The following ZRANB3 variants were observed in gnomAD, a reference collection of about 807,000 sequenced individuals.
ZRANB3 encodes the protein zinc finger RANBP2-type containing 3.
ZRANB3 carries 125 observed loss-of-function variants against 133.8 expected under a neutral mutation model. The observed-to-expected ratio is 0.93, with a 90% CI of 0.81 to 1.08. The LOEUF (loss-of-function observed/expected upper bound fraction) is 1.08. Ranked by LOEUF, ZRANB3 falls within the 50% of genes least tolerant of loss-of-function variation. ZRANB3 has a pLI of 0.00. For missense variants in ZRANB3, 1,229 were observed against 1,275.5 expected, an observed-to-expected ratio of 0.96 and a Z score of 0.56; for synonymous variants, 387 against 432.7, an observed-to-expected ratio of 0.89 and a Z score of 1.31.
intron 3 of ZRANB3, among the ~76,000 whole-genome samples, chr2:135,373,521 C>T (rs1686275595): frequency 6.6e-6 from 1 of 152,072 alleles, no homozygotes; most frequent in Non-Finnish European, 1.5e-5. Flanking sequence ...GGTGCAGTGG[C>T]TCACACCTGT....
chr2:135,353,289 A>G, intron 4 of ZRANB3, 161 bp downstream of exon 4: 1 of 441,472 alleles, frequency 2.3e-6, no homozygotes, highest in Non-Finnish European at 3.8e-6. Flanking sequence ...TGGGTTTTAG[A>G]TAAATAATTC....
At chr2:135,383,428 A>G (rs1376727049) in intron 3 of ZRANB3, among the ~76,000 whole-genome samples, 2 of 152,234 alleles carry the variant, frequency 1.3e-5, no homozygotes, top group Non-Finnish European at 1.5e-5. Context: ...TCAACATTAG[A>G]CAGATCAACG....
At chr2:135,283,508 G>A (rs1681194741) in intron 8 of ZRANB3, among the ~76,000 whole-genome samples, 1 of 151,452 alleles carries the variant, frequency 6.6e-6, no homozygotes, top group Non-Finnish European at 1.5e-5. Flanking sequence ...TAGTTGGGAG[G>A]CTGAGGCAGG....
chr2:135,485,214 A>ATAACATAACATAACAT (rs1470690190), intron 2 of ZRANB3, among the ~76,000 whole-genome samples: 1 of 149,874 alleles, frequency 6.7e-6, no homozygotes, highest in South Asian at 2.1e-4. Context: ...ATAACATAAC[A>ATAACATAACATAACAT]GCCAAACACA....
chr2:135,275,258 C>G (rs1294293101), intron 9 of ZRANB3, among the ~76,000 whole-genome samples: 1 of 149,518 alleles, frequency 6.7e-6, no homozygotes, highest in Non-Finnish European at 1.5e-5. Flanking sequence ...GGGGCTGCCC[C>G]CCACCTCCCT....
At chr2:135,223,994 C>T (rs1188990318) in intron 15 of ZRANB3, among the ~76,000 whole-genome samples, 1 of 152,148 alleles carries the variant, frequency 6.6e-6, no homozygotes, top group Non-Finnish European at 1.5e-5. Flanking sequence ...ATAACAAATC[C>T]TGTCTGCATT....
rs77256236 is a variant in ZRANB3, at chr2:135,423,672, A to T, written c.162-32852T>A. Among the ~76,000 whole-genome samples, 453 of 152,300 alleles carry T rather than the reference A, an allele frequency of 3.0e-3. 2 individuals are homozygous for T. Among genetic ancestry groups the T allele is most frequent in the African/African-American group, 0.01 (429 of 41,572 alleles). ...TATAGAGTTGGAACAGTCACAGTGGAGGGTAGGGGGATATGAACTGAAAAT... is the reference window on the plus strand; with the variant it reads ...TATAGAGTTGGAACAGTCACAGTGGTGGGTAGGGGGATATGAACTGAAAAT... On this transcript the variant is annotated intron_variant, in intron 2 of 20. Transcript: ENST00000264159.
At chr2:135,498,422 A>G (rs762612508) in intron 2 of ZRANB3, among the ~76,000 whole-genome samples, 6 of 152,172 alleles carry the variant, frequency 3.9e-5, no homozygotes, top group African/African-American at 1.2e-4. Context: ...CACTTCCCCA[A>G]TCAATACTCT....
intron 2 of ZRANB3, among the ~76,000 whole-genome samples, chr2:135,478,391 C>T (rs745313508): frequency 2.0e-5 from 3 of 152,058 alleles, no homozygotes; most frequent in African/African-American, 4.8e-5. Flanking sequence ...AGCACCCCCC[C>T]GAAGCCTCTC....
intron 8 of ZRANB3, among the ~76,000 whole-genome samples, chr2:135,289,571 T>C (rs1192499710): frequency 6.6e-6 from 1 of 152,182 alleles, no homozygotes; most frequent in African/African-American, 2.4e-5. Context: ...TGATTTATAA[T>C]TTCATTCCAC....
intron 6 of ZRANB3, among the ~76,000 whole-genome samples, chr2:135,339,521 A>G (rs6430570): frequency 0.27 from 40,743 of 152,108 alleles, 9,151 homozygotes; most frequent in African/African-American, 0.6. Flanking sequence ...AGTTGAGGCT[A>G]CACTGAGCCA....
intron 2 of ZRANB3, among the ~76,000 whole-genome samples, chr2:135,400,374 C>T (rs545549783): frequency 1.3e-5 from 2 of 151,738 alleles, no homozygotes; most frequent in Admixed American, 1.3e-4. Flanking sequence ...TAAATGGAGA[C>T]GTGCTCTGTT....
chr2:135,351,651 G>A (rs964956949), intron 4 of ZRANB3, among the ~76,000 whole-genome samples: 1 of 152,190 alleles, frequency 6.6e-6, no homozygotes, highest in African/African-American at 2.4e-5. Flanking sequence ...CAACATATAG[G>A]AGACTGGCTT....
chr2:135,394,692 G>T (rs1687395368), intron 2 of ZRANB3, among the ~76,000 whole-genome samples: 1 of 151,980 alleles, frequency 6.6e-6, no homozygotes, highest in Non-Finnish European at 1.5e-5. Context: ...AAATTAAAAT[G>T]GTTAAGGTAG....
At chr2:135,290,065 G>T (rs960114315) in intron 8 of ZRANB3, among the ~76,000 whole-genome samples, 1 of 152,100 alleles carries the variant, frequency 6.6e-6, no homozygotes, top group Non-Finnish European at 1.5e-5. Context: ...AAGTCCATTT[G>T]TTCTAGGGTA....
intron 2 of ZRANB3, among the ~76,000 whole-genome samples, chr2:135,405,445 A>G (rs1253782415): frequency 3.9e-5 from 6 of 152,112 alleles, no homozygotes; most frequent in African/African-American, 1.4e-4. Context: ...TCCAGGAATT[A>G]AATACAGCTC....
At chr2:135,279,383 G>A (rs1680991588) in intron 8 of ZRANB3, among the ~76,000 whole-genome samples, 2 of 152,128 alleles carry the variant, frequency 1.3e-5, no homozygotes, top group South Asian at 4.1e-4. Flanking sequence ...TTGGATTTCA[G>A]TGCCTTGGAA....
chr2:135,357,420 C>T (rs1008177119), intron 3 of ZRANB3, among the ~76,000 whole-genome samples: 23 of 152,040 alleles, frequency 1.5e-4, no homozygotes, highest in African/African-American at 5.1e-4. Context: ...CTCAGCCTCC[C>T]GAGTAGCTGG....
intron 17 of ZRANB3, among the ~76,000 whole-genome samples, chr2:135,212,059 A>C (rs575860433): frequency 6.6e-6 from 1 of 152,304 alleles, no homozygotes; most frequent in African/African-American, 2.4e-5. Context: ...TAATAGTGAT[A>C]GGCATCTCAT....
Sources: gnomAD v4.1 joint callset for allele counts (sites outside exome capture counted in the v4.1 genomes callset) on GRCh38, gnomAD v4.1.1 for gene constraint, MANE v1.5 for transcripts, NCBI Gene and HGNC (gene_info 2026-07-23, HGNC 2026-07-21) for gene names.